Variants in TNPO1 observed in about 807,000 individuals in gnomAD.
The protein encoded by TNPO1 is transportin 1, also known as transportin-1.
Under a neutral mutation model 119.5 loss-of-function variants are expected in TNPO1, and 8 were observed. That is an observed-to-expected ratio of 0.07 (90% CI 0.04 to 0.12). The LOEUF (loss-of-function observed/expected upper bound fraction) is 0.12. Among genes scored for constraint, TNPO1 ranks in the 10% least tolerant of loss-of-function variants. TNPO1 has a pLI of 1.00. For missense variants in TNPO1, 576 were observed against 1,089.8 expected (o/e 0.53, Z 6.64); for synonymous variants, 362 against 363.0 (o/e 1.00, Z 0.03).
rs1005089857 is a variant in TNPO1, at chr5:72,910,762, G to T, written c.*2089G>T. ...CTGTTTCAAAAATTTCAAATGCATG[G>T]TAGCATGTAGAAAGGTTTTTGTTAC... On this transcript the variant is annotated 3_prime_UTR_variant, in exon 25 of 25. Coordinates refer to ENST00000337273, the MANE Select transcript of TNPO1 (RefSeq NM_002270.4). 4 of 152,010 alleles carry T rather than the reference G, an allele frequency of 2.6e-5. No homozygotes were observed. The highest frequency in any genetic ancestry group is 6.6e-5 in the Admixed American group (1 of 15,258). 9.4% of individuals were successfully genotyped at this position (152,010 alleles called of 1,614,324 possible).
rs1340854811 is a variant in TNPO1, at chr5:72,816,670, C to G, written c.-68C>G. ...AGCCCAGATTCTCTTTGTTCCGCAG[C>G]CATTTCAGGCCCCGGACAGGAGGCA... On this transcript the variant is annotated 5_prime_UTR_variant, in exon 1 of 25. Transcript: ENST00000337273. The G allele has an allele frequency of 2.0e-6, 3 of 1,492,108 alleles. No individual in the cohort carries two copies. In the Admixed American group the frequency reaches 7.1e-5, roughly 35 times the overall value. 92.4% of individuals were successfully genotyped at this position (1,492,108 alleles called of 1,614,324 possible).
chr5:72,900,351 A>G (rs1299575251), intron 21 of TNPO1, among the ~76,000 whole-genome samples: 1 of 152,226 alleles, frequency 6.6e-6, no homozygotes, highest in Non-Finnish European at 1.5e-5. Context: ...ATACATAAAA[A>G]GCATTTAAAT....
chr5:72,831,534 ATAT>A lies in TNPO1; in HGVS notation c.15+14788_15+14790del, dbSNP rs1426497100. Among the ~76,000 whole-genome samples the A allele has an allele frequency of 3.9e-5, 6 of 151,972 alleles. No homozygotes were observed. The East Asian group carries it at 9.6e-4, about 24-fold the overall frequency. On this transcript the variant is annotated intron_variant, in intron 1 of 24. Transcript: ENST00000337273. ...GCATTTAAATGTCAACATGAATTTC[ATAT>A]TATTAACATATTAAAAATTATTTTG...
intron 6 of TNPO1, among the ~76,000 whole-genome samples, chr5:72,866,644 C>T (rs532601861): frequency 3.3e-5 from 5 of 152,052 alleles, no homozygotes; most frequent in Admixed American, 2.6e-4. Flanking sequence ...GTCCGAGCTA[C>T]TTGAAGGGTC....
Position 72,861,896 on chromosome 5 carries a change from A to G in TNPO1, c.444A>G (p.Glu148=). 1 of 1,610,752 alleles carries G rather than the reference A, an allele frequency of 6.2e-7. No homozygotes were observed. Among genetic ancestry groups the G allele is most frequent in the Non-Finnish European group, 8.5e-7 (1 of 1,177,000 alleles). Residue 148 remains glutamate (E), a synonymous_variant, in exon 5 of 25, where the codon GAA becomes GAG. Transcript: ENST00000337273. ...LPKLCSLLDS[E]DYNTCEGAFG... ...AACTCTGTAGCCTGTTGGATTCTGA[A>G]GATTATAATACCTGTGAGGTAAGGA...
At chr5:72,816,974 G>T in intron 1 of TNPO1, 2 of 507,752 alleles carry the variant, frequency 3.9e-6, no homozygotes, top group South Asian at 5.9e-5. Flanking sequence ...AGGCGACGGC[G>T]GCTCCTCAAG....
intron 22 of TNPO1, among the ~76,000 whole-genome samples, chr5:72,901,874 C>T (rs1424223323): frequency 2.0e-5 from 3 of 152,030 alleles, no homozygotes; most frequent in Non-Finnish European, 4.4e-5. Flanking sequence ...GTCAGGAGTT[C>T]GAGACCAGCC....
intron 21 of TNPO1, among the ~76,000 whole-genome samples, chr5:72,900,429 T>C (rs1254766036): frequency 1.3e-5 from 2 of 152,220 alleles, no homozygotes; most frequent in African/African-American, 4.8e-5. Flanking sequence ...GTTTCTTTTT[T>C]AGAATTAATT....
chr5:72,848,553 C>T (rs1745270796), intron 2 of TNPO1, 55 bp downstream of exon 2: 2 of 1,170,726 alleles, frequency 1.7e-6, no homozygotes, highest in Admixed American at 4.0e-5. Context: ...CGCTGCGGCC[C>T]AGCCCCCGGC....
At chr5:72,852,313 A>G (rs943730001) in intron 3 of TNPO1, among the ~76,000 whole-genome samples, 7 of 152,214 alleles carry the variant, frequency 4.6e-5, no homozygotes, top group Non-Finnish European at 1.0e-4. Flanking sequence ...ACATTATTTC[A>G]TAAATATTTA....
rs1376573897 is a variant in TNPO1 at position 72,897,053 on chromosome 5, T to C, written c.2243-3T>C. Reference sequence around the variant, plus strand: ...GTTTTTTTCTTTTTGGGATGATCTCTAGGTATAGAGATGCAGCCTTATATT... The same window carrying C: ...GTTTTTTTCTTTTTGGGATGATCTCCAGGTATAGAGATGCAGCCTTATATT... On this transcript the variant is annotated splice_polypyrimidine_tract_variant and splice_region_variant and intron_variant, in intron 19 of 24. Transcript: ENST00000337273. 1.7e-5 allele frequency: 26 copies of C among 1,570,812 alleles called. No homozygotes were observed. The highest frequency in any genetic ancestry group is 2.2e-5 in the Non-Finnish European group (26 of 1,164,034).
intron 1 of TNPO1, 43 bp downstream of exon 1, chr5:72,816,795 G>T: frequency 6.4e-7 from 1 of 1,564,890 alleles, no homozygotes; most frequent in Admixed American, 1.9e-5. Flanking sequence ...GCAGGGGCGG[G>T]AACGGAGGCT....
rs1261002375 is a variant in TNPO1 at position 72,909,153 on chromosome 5, T to G, written c.*480T>G. Reference sequence around the variant, plus strand: ...TTTTTTTTAATTTAAAGTTTTTTTATGTAAGTTTTCCCACATGATGGGGCC... The same window carrying G: ...TTTTTTTTAATTTAAAGTTTTTTTAGGTAAGTTTTCCCACATGATGGGGCC... On this transcript the variant is annotated 3_prime_UTR_variant, in exon 25 of 25. Transcript: ENST00000337273. The G allele has an allele frequency of 6.4e-6, 1 of 155,122 alleles. No individual in the cohort carries two copies. Among genetic ancestry groups the G allele is most frequent in the Admixed American group, 6.6e-5 (1 of 15,250 alleles). 9.6% of individuals were successfully genotyped at this position (155,122 alleles called of 1,614,324 possible). A position where few individuals can be genotyped will look rare whatever the true frequency, so the allele number is the denominator to read the frequency against.
At chr5:72,896,427 G>A in intron 18 of TNPO1, 31 bp from the exon 19 acceptor site, 27 of 1,533,900 alleles carry the variant, frequency 1.8e-5, no homozygotes, top group Non-Finnish European at 2.3e-5. Context: ...CTATTGAAAA[G>A]TTTACTACAT....
At chr5:72,848,344 A>C in intron 1 of TNPO1, 41 bp from the exon 2 acceptor site, 1 of 1,584,974 alleles carries the variant, frequency 6.3e-7, no homozygotes, top group African/African-American at 1.4e-5. Flanking sequence ...ACCGGGAGTA[A>C]CAGTTGCTCC....
At chr5:72,831,904 T>C (rs1744490240) in intron 1 of TNPO1, among the ~76,000 whole-genome samples, 1 of 152,090 alleles carries the variant, frequency 6.6e-6, no homozygotes, top group Non-Finnish European at 1.5e-5. Context: ...TATCTTTTTT[T>C]CTCACTTTTT....
intron 1 of TNPO1, among the ~76,000 whole-genome samples, chr5:72,820,627 A>G (rs766205236): frequency 6.6e-6 from 1 of 152,190 alleles, no homozygotes; most frequent in Non-Finnish European, 1.5e-5. Context: ...ACTTTGTCCA[A>G]GGGCTCAGAG....
chr5:72,898,671 T>G (rs189009052), intron 20 of TNPO1, among the ~76,000 whole-genome samples: 437 of 152,292 alleles, frequency 2.9e-3, no homozygotes, highest in Non-Finnish European at 4.6e-3. Context: ...TTTTTCCGAT[T>G]AGTATATCCT....
Position 72,908,988 on chromosome 5 carries a change from A to C in TNPO1, c.*315A>C. 3 of 418,484 alleles carry C rather than the reference A, an allele frequency of 7.2e-6. 1 individual carries two copies. The highest frequency in any genetic ancestry group is 5.2e-5 in the South Asian group (3 of 58,012). The allele number at this position is 418,484 out of a possible 1,614,324, so 25.9% of individuals were successfully genotyped here. A position where few individuals can be genotyped will look rare whatever the true frequency, so the allele number is the denominator to read the frequency against. Reference sequence around the variant, plus strand: ...ATTCAGTCTACTCACAAAACAGTACATTGTGGAATATTATGGGGAATTGTA... The same window carrying C: ...ATTCAGTCTACTCACAAAACAGTACCTTGTGGAATATTATGGGGAATTGTA... On this transcript the variant is annotated 3_prime_UTR_variant, in exon 25 of 25. Transcript: ENST00000337273.
Sources: gnomAD v4.1 joint callset for allele counts (sites outside exome capture counted in the v4.1 genomes callset) on GRCh38, gnomAD v4.1.1 for gene constraint, MANE v1.5 for transcripts, NCBI Gene and HGNC (gene_info 2026-07-23, HGNC 2026-07-21) for gene names.